Variants in GOLGA7 observed in about 807,000 individuals in gnomAD.
GOLGA7 encodes the protein golgin A7, also known as golgin subfamily A member 7.
GOLGA7 carries 10 observed loss-of-function variants against 21.1 expected under a neutral mutation model. The ratio of observed to expected loss-of-function variants is 0.47; its 90% CI spans 0.29 to 0.80. The LOEUF (loss-of-function observed/expected upper bound fraction) is 0.80. GOLGA7 is among the 30% of genes least tolerant of loss of function. The pLI is 0.08. For missense variants in GOLGA7, 114 were observed against 166.8 expected, an observed-to-expected ratio of 0.68 and a Z score of 1.74; for synonymous variants, 64 against 62.6, an observed-to-expected ratio of 1.02 and a Z score of -0.10.
At chr8:41,502,597 G>A (rs908063963) in intron 2 of GOLGA7, 3 of 152,154 alleles carry the variant, frequency 2.0e-5, no homozygotes, top group Non-Finnish European at 4.4e-5. Context: ...TCATGAACTA[G>A]AAAACATCCC....
intron 2 of GOLGA7, 38 bp from the exon 3 acceptor site, chr8:41,505,873 T>C: frequency 1.9e-6 from 2 of 1,076,782 alleles, no homozygotes; most frequent in Non-Finnish European, 1.4e-6. Flanking sequence ...GGAAATCTGA[T>C]GAAGTTTGTA....
chr8:41,501,138 T>A (rs1434845896), intron 2 of GOLGA7, among the ~76,000 whole-genome samples: 1 of 152,220 alleles, frequency 6.6e-6, no homozygotes, highest in African/African-American at 2.4e-5. Context: ...GAAGTACTGA[T>A]GTCATTTGTA....
chr8:41,498,176 A>G (rs1319213979), intron 2 of GOLGA7, among the ~76,000 whole-genome samples: 1 of 152,184 alleles, frequency 6.6e-6, no homozygotes, highest in Non-Finnish European at 1.5e-5. Flanking sequence ...AGACTGAAGT[A>G]TCTTTCATTT....
intron 3 of GOLGA7, 130 bp downstream of exon 3, chr8:41,506,142 A>G (rs893859912): frequency 1.6e-5 from 9 of 550,712 alleles, no homozygotes; most frequent in Non-Finnish European, 2.6e-5. Flanking sequence ...TGTGAATTGC[A>G]TACCTACTGT....
intron 1 of GOLGA7, among the ~76,000 whole-genome samples, chr8:41,496,181 T>G (rs1806008757): frequency 6.6e-6 from 1 of 152,166 alleles, no homozygotes; most frequent in African/African-American, 2.4e-5. Flanking sequence ...CACTGAACCA[T>G]CTTATCACCC....
chr8:41,500,223 T>A (rs1371741293), intron 2 of GOLGA7, among the ~76,000 whole-genome samples: 1 of 152,208 alleles, frequency 6.6e-6, no homozygotes, highest in Non-Finnish European at 1.5e-5. Flanking sequence ...TTATGATAAG[T>A]GCCTTGAAGG....
At chr8:41,492,895 C>T (rs1805918777) in intron 1 of GOLGA7, among the ~76,000 whole-genome samples, 1 of 152,206 alleles carries the variant, frequency 6.6e-6, no homozygotes, top group African/African-American at 2.4e-5. Context: ...AGACATTAGC[C>T]TTCCACTCTG....
chr8:41,496,921 C>G (rs920955083), intron 1 of GOLGA7, among the ~76,000 whole-genome samples: 3 of 149,434 alleles, frequency 2.0e-5, no homozygotes, highest in Non-Finnish European at 4.4e-5. Flanking sequence ...CATTCTCCTG[C>G]CTCAGCCTCC....
chr8:41,503,453 T>C (rs1218986291), intron 2 of GOLGA7, among the ~76,000 whole-genome samples: 1 of 102,362 alleles, frequency 9.8e-6, no homozygotes, highest in African/African-American at 3.9e-5. Flanking sequence ...TTTGTTGCCA[T>C]TGCTTTTGGT....
At chr8:41,493,273 C>A (rs1214486748) in intron 1 of GOLGA7, among the ~76,000 whole-genome samples, 1 of 152,138 alleles carries the variant, frequency 6.6e-6, no homozygotes, top group African/African-American at 2.4e-5. Context: ...CTACTACTTA[C>A]CCTAGAAATT....
At chr8:41,498,498 C>T (rs7844820) in intron 2 of GOLGA7, among the ~76,000 whole-genome samples, 88,697 of 151,964 alleles carry the variant, frequency 0.58, 27,062 homozygotes, top group South Asian at 0.78. Flanking sequence ...CAGCCAAACT[C>T]CATCCCTCAC....
intron 2 of GOLGA7, among the ~76,000 whole-genome samples, chr8:41,505,428 A>G (rs1030976630): frequency 1.4e-4 from 22 of 152,236 alleles, no homozygotes; most frequent in Non-Finnish European, 8.8e-5. Context: ...AGCCCACCTT[A>G]TATCATTACT....
At chr8:41,500,849 G>C (rs900956916) in intron 2 of GOLGA7, among the ~76,000 whole-genome samples, 2 of 152,226 alleles carry the variant, frequency 1.3e-5, no homozygotes, top group African/African-American at 2.4e-5. Flanking sequence ...CCTGGATTAG[G>C]AAGGGAGCAG....
At chr8:41,492,531 G>A (rs546168774) in intron 1 of GOLGA7, among the ~76,000 whole-genome samples, 3 of 152,088 alleles carry the variant, frequency 2.0e-5, no homozygotes, top group Non-Finnish European at 2.9e-5. Context: ...GCATGGTGGC[G>A]GGCACCTGTA....
chr8:41,499,559 C>G (rs1806100861), intron 2 of GOLGA7, among the ~76,000 whole-genome samples: 1 of 152,180 alleles, frequency 6.6e-6, no homozygotes, highest in African/African-American at 2.4e-5. Context: ...TCCAACCACC[C>G]TGGCCAAACT....
chr8:41,507,278 T>C (rs1342007472), intron 4 of GOLGA7, among the ~76,000 whole-genome samples, 157 bp downstream of exon 4: 4 of 152,266 alleles, frequency 2.6e-5, no homozygotes, highest in African/African-American at 9.6e-5. Context: ...TAGCTTGATA[T>C]TTAAAATGTG....
At chr8:41,492,621 C>T (rs2150437019) in intron 1 of GOLGA7, among the ~76,000 whole-genome samples, 1 of 152,306 alleles carries the variant, frequency 6.6e-6, no homozygotes, top group Non-Finnish European at 1.5e-5. Context: ...GAGATCATGC[C>T]ATTGTACTCC....
At chr8:41,495,094 C>T (rs138512907) in intron 1 of GOLGA7, among the ~76,000 whole-genome samples, 2 of 147,668 alleles carry the variant, frequency 1.4e-5, no homozygotes, top group African/African-American at 2.5e-5. Context: ...ATCCCAGCTA[C>T]TCGGGAGGCT....
chr8:41,502,395 AT>A (rs1345646586), intron 2 of GOLGA7, among the ~76,000 whole-genome samples: 2 of 152,216 alleles, frequency 1.3e-5, no homozygotes, highest in Non-Finnish European at 2.9e-5. Flanking sequence ...TGTGTGTTAA[AT>A]TTTTTGAAAT....
Sources: gnomAD v4.1 joint callset for allele counts (sites outside exome capture counted in the v4.1 genomes callset) on GRCh38, gnomAD v4.1.1 for gene constraint, MANE v1.5 for transcripts, NCBI Gene and HGNC (gene_info 2026-07-23, HGNC 2026-07-21) for gene names.